Variants in WDR24 observed in about 807,000 individuals in gnomAD.
WDR24 encodes GATOR2 complex protein WDR24.
A neutral mutation model predicts 66.7 loss-of-function variants in WDR24; 32 were observed. The ratio of observed to expected loss-of-function variants is 0.48; its 90% confidence interval spans 0.36 to 0.64. The LOEUF (loss-of-function observed/expected upper bound fraction) is 0.64, where lower values mean the gene tolerates loss of function less well. Ranked by LOEUF, WDR24 falls within the 30% of genes least tolerant of loss-of-function variation. The probability of loss-of-function intolerance (pLI) is 0.00; values close to 1 mark genes in which losing one functional copy is unlikely to be tolerated. For synonymous variants in WDR24, 565 were observed against 469.1 expected (o/e 1.20, Z -2.64); for missense variants, 978 against 1,144.1 (o/e 0.85, Z 2.09).
chr16:687,441 C>T (rs771339115), intron 2 of WDR24, 25 bp from the exon 3 acceptor site: 5 of 1,572,724 alleles, frequency 3.2e-6, no homozygotes, highest in African/African-American at 2.7e-5. Flanking sequence ...TCCACCCAAA[C>T]CCTCAGTGGC....
chr16:685,020 T>C lies in WDR24; in HGVS notation c.2176A>G (p.Met726Val). The change falls in exon 8 of 9, where the codon ATG (methionine) becomes GTG (valine). Residue 726 changes from methionine (M) to valine (V), a missense_variant. Transcript: ENST00000293883. ...TCGCAGACCCAGCCCCGGCTGCTCA[T>C]GGGCCGCTTGCAGTGGCTGCAGTTG... ...HVNCSHCKRP[M>V]SSRGWVCDRC... 6.4e-7 allele frequency: 1 copy of C among 1,554,612 alleles called. No individual in the cohort carries two copies. Among genetic ancestry groups the C allele is most frequent in the Non-Finnish European group, 8.7e-7 (1 of 1,151,714 alleles).
In WDR24 at chr16:687,333, A is replaced by G; in HGVS notation, c.743T>C (p.Val248Ala). 6.2e-7 allele frequency: 1 copy of G among 1,610,012 alleles called. No homozygotes were observed. Among genetic ancestry groups the G allele is most frequent in the Non-Finnish European group, 8.5e-7 (1 of 1,178,968 alleles). ...ACGGGCCACCGAGGCGATGGTCTGC[A>G]CACAGTGCATCTCCTTGGCACGGTG... ...TTHRAKEMHC[V>A]QTIASVARVK... Residue 248 changes from valine (V) to alanine (A), a missense_variant, in exon 3 of 9, where the codon GTG becomes GCG. By Grantham distance (64) the Val-to-Ala change is moderately conservative (BLOSUM62 0). Transcript: ENST00000293883.
At position 687,310 on chromosome 16, in the gene WDR24, G is replaced by A. The variant is rs969245312; in HGVS notation, c.766C>T (p.Arg256Cys). 2.5e-6 allele frequency: 4 copies of A among 1,609,066 alleles called. No homozygotes were observed. The highest frequency in any genetic ancestry group is 3.3e-5 in the Admixed American group (2 of 59,930). Residue 256 changes from arginine to cysteine, a missense_variant, in exon 3 of 9, where the codon CGT becomes TGT. By Grantham distance (180) the Arg-to-Cys change is radical. This residue lies in a region of WDR24 where 302 missense variants were observed against 526.6 expected (regional missense o/e 0.57). Transcript: ENST00000293883. Reference sequence around the variant, plus strand: ...CGGCACTCTGGCCGCCACTTCACACGGGCCACCGAGGCGATGGTCTGCACA... The same window carrying A: ...CGGCACTCTGGCCGCCACTTCACACAGGCCACCGAGGCGATGGTCTGCACA... ...HCVQTIASVA[R>C]VKWRPECRHH...
rs757016388 is a variant in WDR24 at position 689,577 on chromosome 16, G to A, written c.64C>T (p.His22Tyr). 9.3e-6 allele frequency: 15 copies of A among 1,612,926 alleles called. No individual in the cohort carries two copies. Among genetic ancestry groups the A allele is most frequent in the Middle Eastern group, 1.6e-4 (1 of 6,062 alleles). ...GGSVLTGRTM[H>Y]CHLDAPANAI... ...TTGGCGGGAGCATCCAGGTGGCAGT[G>A]CATGGTGCGGCCTGTCAGCACGCTG... The change falls in exon 1 of 9, where the codon CAC becomes TAC. Residue 22 changes from histidine (H) to tyrosine (Y), a missense_variant. Around this residue, in one of 2 missense-constraint regions of WDR24, gnomAD observed 302 missense variants for 526.6 expected, o/e 0.57. Transcript: ENST00000293883.
chr16:687,879 T>G lies in WDR24; in HGVS notation c.482-140A>C, dbSNP rs1433637935. The G allele has an allele frequency of 6.8e-6, 8 of 1,171,214 alleles. No homozygotes were observed. In the East Asian group the frequency reaches 2.0e-4, roughly 30 times the overall value. The allele number at this position is 1,171,214 out of a possible 1,614,324, so 72.6% of individuals were successfully genotyped here. On this transcript the variant is annotated intron_variant, in intron 1 of 8. Coordinates refer to ENST00000293883, the MANE Select transcript of WDR24 (RefSeq NM_032259.4). ...GAGGGTAGAGTGGACATCCCCAAGA[T>G]CTGCCCAAGGAAGCAGCCACACAGA...
chr16:686,175 CG>C lies in WDR24; in HGVS notation c.1343del (p.Thr448SerfsTer14). 6.2e-7 allele frequency: 1 copy of C among 1,612,774 alleles called. No homozygotes were observed. The highest frequency in any genetic ancestry group is 1.1e-5 in the South Asian group (1 of 91,052). On this transcript the variant is annotated frameshift_variant, in exon 4 of 9. Coordinates refer to ENST00000293883, the MANE Select transcript of WDR24 (RefSeq NM_032259.4). LOFTEE classifies it high-confidence loss of function. Reference sequence around the variant, plus strand: ...AGTAGATGATCCGCAGCATGGTCCACGTTTGCGCCACCTAGGGGCGGGCACT... The same window carrying C: ...AGTAGATGATCCGCAGCATGGTCCACTTTGCGCCACCTAGGGGCGGGCACT... ...RELGRNQVAQ[T>X]WTMLRIIYCS...
chr16:687,765 G>C, intron 1 of WDR24, 26 bp from the exon 2 acceptor site: 2 of 1,607,092 alleles, frequency 1.2e-6, no homozygotes, highest in Non-Finnish European at 1.7e-6. Flanking sequence ...CGATGCAGGG[G>C]AAGTGACGGG....
chr16:689,532 C>T lies in WDR24; in HGVS notation c.109G>A (p.Asp37Asn), dbSNP rs765936304. The T allele has an allele frequency of 1.7e-5, 28 of 1,613,128 alleles. No homozygotes were observed. The highest frequency in any genetic ancestry group is 8.0e-5 in the African/African-American group (6 of 74,952). ...APANAISVCR[D>N]AAQVVVAGRS... ...CCTGCCACGACCACCTGGGCTGCGT[C>T]GCGGCACACACTGATGGCATTGGCG... Residue 37 changes from aspartate (D) to asparagine (N), a missense_variant, in exon 1 of 9, where the codon GAC becomes AAC. By Grantham distance (23) the Asp-to-Asn change is conservative. Transcript: ENST00000293883.
rs761215863 is a variant in WDR24, at chr16:685,308, C to T, written c.1968G>A (p.Val656=). 1.2e-6 allele frequency: 2 copies of T among 1,602,416 alleles called. No individual in the cohort carries two copies. Among genetic ancestry groups the T allele is most frequent in the South Asian group, 1.1e-5 (1 of 90,958 alleles). The change falls in exon 7 of 9, where the codon GTG becomes GTA. Residue 656 remains valine, a synonymous_variant. Coordinates refer to ENST00000293883, the MANE Select transcript of WDR24 (RefSeq NM_032259.4). ...GCACCCGTTCACCCAGGACGATGAGCACAGACACAGCCATCTGCACGTCGC... is the reference window on the plus strand; with the variant it reads ...GCACCCGTTCACCCAGGACGATGAGTACAGACACAGCCATCTGCACGTCGC... ...EQGDVQMAVS[V]LIVLGERVRK... is the part of the protein sequence containing the mutation.
rs1375579220 is a variant in WDR24, at chr16:685,320, C to A, written c.1956G>T (p.Met652Ile). The A allele has an allele frequency of 6.2e-7, 1 of 1,606,410 alleles. No homozygotes were observed. Among genetic ancestry groups the A allele is most frequent in the Non-Finnish European group, 8.5e-7 (1 of 1,178,098 alleles). ...CCAGGACGATGAGCACAGACACAGCCATCTGCACGTCGCCCTGCTCAGCGT... is the reference window on the plus strand; with the variant it reads ...CCAGGACGATGAGCACAGACACAGCAATCTGCACGTCGCCCTGCTCAGCGT... ...HFYAEQGDVQ[M>I]AVSVLIVLGE... Residue 652 changes from methionine (M) to isoleucine (I), a missense_variant, in exon 7 of 9, where the codon ATG becomes ATT. This residue lies in a region of WDR24 where 676 missense variants were observed against 617.5 expected (regional missense o/e 1.09). Transcript: ENST00000293883.
rs1294518138 is a variant in WDR24, at chr16:689,554, G to A, written c.87C>T (p.Ala29=). ...CGTCGCGGCACACACTGATGGCATT[G>A]GCGGGAGCATCCAGGTGGCAGTGCA... ...RTMHCHLDAP[A]NAISVCRDAA... The change falls in exon 1 of 9, where the codon GCC becomes GCT. Residue 29 remains alanine, a synonymous_variant. Coordinates refer to ENST00000293883, the MANE Select transcript of WDR24 (RefSeq NM_032259.4). 2 of 1,613,142 alleles carry A rather than the reference G, an allele frequency of 1.2e-6. No individual in the cohort carries two copies. The highest frequency in any genetic ancestry group is 1.7e-6 in the Non-Finnish European group (2 of 1,180,046).
intron 3 of WDR24, among the ~76,000 whole-genome samples, 166 bp downstream of exon 3, chr16:686,577 CT>C (rs1163170172): frequency 6.6e-6 from 1 of 152,222 alleles, no homozygotes; most frequent in Non-Finnish European, 1.5e-5. Flanking sequence ...CCCTGGAGCC[CT>C]GGCCCTGTGT....
chr16:689,803 C>A lies in WDR24; in HGVS notation c.-163G>T. 1 of 1,095,274 alleles carries A rather than the reference C, an allele frequency of 9.1e-7. No individual in the cohort carries two copies. 67.8% of individuals were successfully genotyped at this position (1,095,274 alleles called of 1,614,324 possible). A position where few individuals can be genotyped will look rare whatever the true frequency, so the allele number is the denominator to read the frequency against. On this transcript the variant is annotated 5_prime_UTR_variant, in exon 1 of 9. Transcript: ENST00000293883. ...AGTGAGCCAATCCAGGGCTGTCTAT[C>A]AGCCAATCAGCCTGACAGGCAAGCT...
chr16:689,830 A>C lies in WDR24; in HGVS notation c.-190T>G. The C allele has an allele frequency of 2.2e-6, 2 of 917,522 alleles. No individual in the cohort carries two copies. Among genetic ancestry groups the C allele is most frequent in the South Asian group, 1.4e-5 (1 of 69,280 alleles). 56.8% of individuals were successfully genotyped at this position (917,522 alleles called of 1,614,324 possible). On this transcript the variant is annotated 5_prime_UTR_variant, in exon 1 of 9. Coordinates refer to ENST00000293883, the MANE Select transcript of WDR24 (RefSeq NM_032259.4). ...GCCAATCAGCCTGACAGGCAAGCTC[A>C]AATTCACTGGAGTCTGTCAGTCCAG...
chr16:685,566 C>T lies in WDR24; in HGVS notation c.1710G>A (p.Glu570=). 1 of 1,589,148 alleles carries T rather than the reference C, an allele frequency of 6.3e-7. No homozygotes were observed. Among genetic ancestry groups the T allele is most frequent in the Non-Finnish European group, 8.6e-7 (1 of 1,166,488 alleles). The part of the protein sequence containing the change: ...PEDPECVLPQ[E]AFPLRHEIVD... ...CGATCTCGTGGCGCAGCGGAAAGGC[C>T]TCCTGCGGCAGCACGCACTCAGGGT... is the stretch of plus-strand genomic sequence containing the variant. Residue 570 remains glutamate (E), a synonymous_variant, in exon 7 of 9, where the codon GAG becomes GAA. Transcript: ENST00000293883.
At chr16:686,605 G>T in intron 3 of WDR24, 139 bp downstream of exon 3, 4 of 1,160,456 alleles carry the variant, frequency 3.4e-6, no homozygotes, top group African/African-American at 1.5e-5. Context: ...GACACCCTCA[G>T]CTACCAAGGC....
intron 7 of WDR24, 27 bp from the exon 8 acceptor site, chr16:685,203 G>A: frequency 6.3e-7 from 1 of 1,598,258 alleles, no homozygotes; most frequent in South Asian, 1.1e-5. Flanking sequence ...CCGGCAGTCA[G>A]GATCTGGGTG....
In WDR24 at chr16:685,269, G is replaced by T. The variant is rs770970421; in HGVS notation, c.2007C>A (p.Asp669Glu). The change falls in exon 7 of 9, where the codon GAC becomes GAA. Residue 669 changes from aspartate (D) to glutamate (E), a missense_variant. Asp to Glu is a conservative substitution (Grantham distance 45). This residue lies in a region of WDR24 where 676 missense variants were observed against 617.5 expected (regional missense o/e 1.09). Transcript: ENST00000293883. ...GCCCACCACACACCTGGGTCTGCTC[G>T]TCGATGTCCTTGCGCACCCGTTCAC... is the stretch of plus-strand genomic sequence containing the variant. The part of the protein sequence containing the change: ...VLGERVRKDI[D>E]EQTQEHWYTS... 6.9e-6 allele frequency: 11 copies of T among 1,593,826 alleles called. No individual in the cohort carries two copies. The highest frequency in any genetic ancestry group is 9.4e-6 in the Non-Finnish European group (11 of 1,170,142).
chr16:688,938 G>A, intron 1 of WDR24: 3 of 665,448 alleles, frequency 4.5e-6, no homozygotes, highest in Non-Finnish European at 7.4e-6. Flanking sequence ...CTCAATTTCT[G>A]CTGGTCTCAT....
Sources: allele counts gnomAD v4.1 joint callset (sites outside exome capture counted in the v4.1 genomes callset), GRCh38; gene constraint gnomAD v4.1.1; regional missense constraint gnomAD v4.1.1; transcripts MANE v1.5; gene names NCBI Gene and HGNC (gene_info 2026-07-23, HGNC 2026-07-21).